Variants in REV1 observed in about 807,000 individuals in gnomAD.
The protein encoded by REV1 is REV1 DNA directed polymerase, also known as translesion synthesis protein REV1.
REV1 carries 42 observed loss-of-function variants against 137.4 expected under a neutral mutation model. That is an observed-to-expected ratio of 0.31 (90% confidence interval 0.24 to 0.40). The LOEUF (loss-of-function observed/expected upper bound fraction) is 0.40, where lower values mean the gene tolerates loss of function less well. Ranked by LOEUF, REV1 falls within the 10% of genes least tolerant of loss-of-function variation. REV1 has a pLI of 1.00. For synonymous variants in REV1, 524 were observed against 519.2 expected (o/e 1.01, Z -0.12); for missense variants, 1,282 against 1,490.1 (o/e 0.86, Z 2.30).
rs1439620381 is a variant in REV1, at chr2:99,411,402, CTTT to C, written c.2173-538_2173-536del. ...TGAGTACTTTTAAAAGATATTTTTC[CTTT>C]CTTTCCTTTTTTTTTTTTTTGAGAC... is the stretch of plus-strand genomic sequence containing the variant. On this transcript the variant is annotated intron_variant, in intron 13 of 22. Coordinates refer to ENST00000258428, the MANE Select transcript of REV1 (RefSeq NM_016316.4). Among the ~76,000 whole-genome samples the C allele has an allele frequency of 2.7e-5, 4 of 148,660 alleles. No homozygotes were observed. The East Asian group carries it at 8.0e-4, about 30-fold the overall frequency.
In REV1 at chr2:99,457,840, C is replaced by A. The variant is rs190840916; in HGVS notation, c.181+4656G>T. On this transcript the variant is annotated intron_variant, in intron 3 of 22. Coordinates refer to ENST00000258428, the MANE Select transcript of REV1 (RefSeq NM_016316.4). ...ATATAGTGTGGTACTGGTGAAGGAA[C>A]AGACACAAACATCAATGGAAGAGAA... 4.3e-4 allele frequency among the ~76,000 whole-genome samples: 65 copies of A among 152,066 alleles called. No individual in the cohort carries two copies. In the Middle Eastern group the frequency reaches 0.01, roughly 24 times the overall value.
In REV1 at chr2:99,401,159, G is replaced by A; in HGVS notation, c.*82C>T. ...AAATTTAAAATTATAAAAACTCCGA[G>A]CATTACTATCATGCACTTTGCAAAT... On this transcript the variant is annotated 3_prime_UTR_variant, in exon 23 of 23. Coordinates refer to ENST00000258428, the MANE Select transcript of REV1 (RefSeq NM_016316.4). The A allele has an allele frequency of 1.3e-6, 1 of 742,888 alleles. No individual in the cohort carries two copies. Among genetic ancestry groups the A allele is most frequent in the Middle Eastern group, 2.6e-4 (1 of 3,850 alleles). 46.0% of individuals were successfully genotyped at this position (742,888 alleles called of 1,614,324 possible).
At chr2:99,481,398 AT>A (rs754602290) in intron 1 of REV1, among the ~76,000 whole-genome samples, 19 of 152,208 alleles carry the variant, frequency 1.2e-4, no homozygotes, top group Admixed American at 2.6e-4. Context: ...AATAAAAAAA[AT>A]GTTATGTAGT....
intron 2 of REV1, chr2:99,462,834 T>C: frequency 2.4e-6 from 1 of 419,768 alleles, no homozygotes; most frequent in Non-Finnish European, 4.1e-6. Context: ...ACACCTGTAA[T>C]CCCAGCACTT....
At chr2:99,479,343 A>C (rs1216460799) in intron 1 of REV1, among the ~76,000 whole-genome samples, 2 of 151,148 alleles carry the variant, frequency 1.3e-5, no homozygotes, top group East Asian at 3.9e-4. Context: ...AAAAAAAAAA[A>C]ACAAAAAGAT....
chr2:99,442,276 A>AG, intron 5 of REV1, 41 bp downstream of exon 5: 5 of 1,483,002 alleles, frequency 3.4e-6, no homozygotes, highest in Non-Finnish European at 4.5e-6. Flanking sequence ...AAAAAAAAAA[A>AG]CCAACCAGCT....
rs745994494 is a variant in REV1, at chr2:99,410,703, G to A, written c.2337C>T (p.Asn779=). The A allele has an allele frequency of 1.9e-6, 3 of 1,587,778 alleles. No individual in the cohort carries two copies. The East Asian group carries it at 6.7e-5, about 36-fold the overall frequency. ...TTCTGAGGTGAGCTTACCTGGCAAT[G>A]TTATCACAAATTCCATGGCCTCCAA... The part of the protein sequence containing the change: ...AKFGGHGICD[N]IARTVTLDQA... Residue 779 remains asparagine, a synonymous_variant, in exon 14 of 23, where the codon AAC becomes AAT. Coordinates refer to ENST00000258428, the MANE Select transcript of REV1 (RefSeq NM_016316.4).
Position 99,438,696 on chromosome 2 carries a change from T to C in REV1, c.1118A>G (p.Asn373Ser), listed in dbSNP as rs3087399. 0.13 allele frequency: 213,924 copies of C among 1,613,654 alleles called. 16,336 individuals are homozygous for C. Among genetic ancestry groups the C allele is most frequent in the African/African-American group, 0.27 (20,143 of 74,972 alleles). The change falls in exon 6 of 23, where the codon AAT (asparagine) becomes AGT (serine). Residue 373 changes from asparagine to serine, a missense_variant. By Grantham distance (46) the Asn-to-Ser change is conservative (BLOSUM62 1). This residue lies in a region of REV1 where 432 missense variants were observed against 438.0 expected (regional missense o/e 0.99). Transcript: ENST00000258428. Reference sequence around the variant, plus strand: ...ACCATTACTTTGTCTTTGTAGGGTATTGACAAACTCAGTCAATTCACACTT... The same window carrying C: ...ACCATTACTTTGTCTTTGTAGGGTACTGACAAACTCAGTCAATTCACACTT... ...MWKCELTEFV[N>S]TLQRQSNGIF...
At chr2:99,435,104 C>T (rs1393851989) in intron 7 of REV1, among the ~76,000 whole-genome samples, 4 of 152,164 alleles carry the variant, frequency 2.6e-5, no homozygotes, top group South Asian at 4.1e-4. Flanking sequence ...AAAAGCTACT[C>T]TATGAAAATC....
chr2:99,415,625 G>C (rs1478928170), intron 12 of REV1, among the ~76,000 whole-genome samples: 1 of 152,254 alleles, frequency 6.6e-6, no homozygotes, highest in Admixed American at 6.5e-5. Flanking sequence ...GGCCAGGGCA[G>C]TGAGGAACTG....
intron 9 of REV1, chr2:99,424,556 A>G: frequency 2.2e-6 from 1 of 452,286 alleles, no homozygotes; most frequent in Non-Finnish European, 3.8e-6. Context: ...CCTAAAACTC[A>G]TACCTCTGGC....
At chr2:99,467,745 A>G (rs1684967911) in intron 1 of REV1, among the ~76,000 whole-genome samples, 1 of 152,212 alleles carries the variant, frequency 6.6e-6, no homozygotes, top group Non-Finnish European at 1.5e-5. Context: ...ATCTCTGAAA[A>G]CAGATTAAGG....
intron 4 of REV1, among the ~76,000 whole-genome samples, chr2:99,448,795 C>T (rs527404017): frequency 6.6e-6 from 1 of 152,300 alleles, no homozygotes; most frequent in East Asian, 1.9e-4. Context: ...GCTTGCTCCA[C>T]CTTCTCCCAT....
In REV1 at chr2:99,402,307, C is replaced by G; in HGVS notation, c.3581G>C (p.Cys1194Ser). Residue 1194 changes from cysteine to serine, a missense_variant, in exon 22 of 23, where the codon TGT (cysteine) becomes TCT (serine). Transcript: ENST00000258428. ...EEDILQVVKY[C>S]TDLIEEKDLE... is the part of the protein sequence containing the mutation. ...ATCTTTTTCTTCTATTAGATCAGTA[C>G]AGTATTTCACAACTTGGAGAATGTC... The G allele has an allele frequency of 6.5e-7, 1 of 1,536,754 alleles. No homozygotes were observed. Among genetic ancestry groups the G allele is most frequent in the Admixed American group, 1.8e-5 (1 of 55,422 alleles).
intron 1 of REV1, among the ~76,000 whole-genome samples, chr2:99,483,678 C>A (rs768799427): frequency 4.6e-5 from 7 of 152,158 alleles, no homozygotes; most frequent in Non-Finnish European, 8.8e-5. Flanking sequence ...GACTTTAAAT[C>A]GTAATTTTAC....
rs1012660246 is a variant in REV1 at position 99,409,862 on chromosome 2, C to G, written c.2345+833G>C. Among the ~76,000 whole-genome samples the G allele has an allele frequency of 1.8e-4, 25 of 135,670 alleles. 1 individual carries two copies. The highest frequency in any genetic ancestry group is 3.6e-4 in the Non-Finnish European group (22 of 60,616). The allele number at this position is 135,670 out of a possible 152,430, so 89.0% of individuals were successfully genotyped here. A position where few individuals can be genotyped will look rare whatever the true frequency, so the allele number is the denominator to read the frequency against. ...TGTCTCAAAACAAACAACCCCCCCCCCCCCCAAAAAAAACAGCGTTTTTAA... is the reference window on the plus strand; with the variant it reads ...TGTCTCAAAACAAACAACCCCCCCCGCCCCCAAAAAAAACAGCGTTTTTAA... On this transcript the variant is annotated intron_variant, in intron 14 of 22. Coordinates refer to ENST00000258428, the MANE Select transcript of REV1 (RefSeq NM_016316.4).
intron 12 of REV1, among the ~76,000 whole-genome samples, chr2:99,413,370 C>T (rs754832047): frequency 6.6e-5 from 10 of 152,160 alleles, no homozygotes; most frequent in Non-Finnish European, 1.3e-4. Flanking sequence ...ATTATGATTT[C>T]GGTCATCACC....
chr2:99,408,134 G>GT lies in REV1; in HGVS notation c.2346-4dup, dbSNP rs1404471091. On this transcript the variant is annotated splice_polypyrimidine_tract_variant and splice_region_variant and intron_variant, in intron 14 of 22. Transcript: ENST00000258428. ...TTGCCTGGTCAAGAGTTACAGTCCT[G>GT]TAAGTGATAGAATTAAAAAACAAAA... The GT allele has an allele frequency of 6.4e-7, 1 of 1,573,186 alleles. No individual in the cohort carries two copies. Among genetic ancestry groups the GT allele is most frequent in the African/African-American group, 1.4e-5 (1 of 73,738 alleles).
intron 22 of REV1, 60 bp downstream of exon 22, chr2:99,402,184 C>T (rs1675560719): frequency 1.4e-6 from 1 of 695,550 alleles, no homozygotes. Flanking sequence ...CAACTCAGTA[C>T]ACCCTCAGCC....
Sources: allele counts gnomAD v4.1 joint callset (sites outside exome capture counted in the v4.1 genomes callset), GRCh38; gene constraint gnomAD v4.1.1; regional missense constraint gnomAD v4.1.1; transcripts MANE v1.5; gene names NCBI Gene and HGNC (gene_info 2026-07-23, HGNC 2026-07-21).